The following PPARG variants were observed in gnomAD, a reference collection of about 807,000 sequenced individuals.
PPARG encodes peroxisome proliferator activated receptor gamma.
PPARG carries 17 observed loss-of-function variants against 39.2 expected under a neutral mutation model. The ratio of observed to expected loss-of-function variants is 0.43; its 90% CI spans 0.30 to 0.65. The LOEUF is 0.65. Among genes scored for constraint, PPARG ranks in the 30% least tolerant of loss-of-function variants. The probability of loss-of-function intolerance (pLI) is 0.13; values close to 1 mark genes in which losing one functional copy is unlikely to be tolerated. For synonymous variants in PPARG, 223 were observed against 215.7 expected, an observed-to-expected ratio of 1.03 and a Z score of -0.30; for missense variants, 406 against 585.9, an observed-to-expected ratio of 0.69 and a Z score of 3.17.
At chr3:12,401,743 G>C (rs1225431619) in intron 5 of PPARG, among the ~76,000 whole-genome samples, 1 of 152,032 alleles carries the variant, frequency 6.6e-6, no homozygotes, top group East Asian at 1.9e-4. Context: ...TGAACTTCTG[G>C]TGTATAAAAA....
chr3:12,420,081 C>T (rs1272940434), intron 7 of PPARG, among the ~76,000 whole-genome samples: 20 of 152,344 alleles, frequency 1.3e-4, no homozygotes, highest in Non-Finnish European at 2.9e-5. Context: ...CATGCACACT[C>T]ATGTAGATAG....
At chr3:12,400,449 A>C (rs1260636949) in intron 5 of PPARG, among the ~76,000 whole-genome samples, 2 of 152,238 alleles carry the variant, frequency 1.3e-5, no homozygotes, top group African/African-American at 4.8e-5. Flanking sequence ...CATTCAGCTC[A>C]ATAGAAGTGT....
chr3:12,346,176 G>C (rs2048320893), intron 2 of PPARG, among the ~76,000 whole-genome samples: 1 of 152,100 alleles, frequency 6.6e-6, no homozygotes, highest in South Asian at 2.1e-4. Context: ...TTTTGAAGCT[G>C]GGCAGAAAAG....
chr3:12,351,665 A>G lies in PPARG; in HGVS notation c.-8-28039A>G, dbSNP rs1320029787. ...CTTCACTGATACACTGTCTGCAAAC[A>G]TATCACAAGGTAAAGTTCCTTCCAG... On this transcript the variant is annotated intron_variant, in intron 2 of 7. Coordinates refer to ENST00000651735, the MANE Select transcript of PPARG (RefSeq NM_138711.6). 1 of 1,607,414 alleles carries G rather than the reference A, an allele frequency of 6.2e-7. No homozygotes were observed. The highest frequency in any genetic ancestry group is 8.5e-7 in the Non-Finnish European group (1 of 1,173,822).
chr3:12,396,785 A>G (rs1369134288), intron 5 of PPARG, among the ~76,000 whole-genome samples: 2 of 151,302 alleles, frequency 1.3e-5, no homozygotes, highest in African/African-American at 4.8e-5. Flanking sequence ...AAGAATTGTG[A>G]CTAGTGAATA....
chr3:12,320,525 T>G (rs767575332), intron 2 of PPARG, among the ~76,000 whole-genome samples: 28 of 152,234 alleles, frequency 1.8e-4, no homozygotes, highest in Non-Finnish European at 3.5e-4. Flanking sequence ...CCACAATAAC[T>G]ATATTACTAT....
chr3:12,372,103 G>A (rs1575073297), intron 2 of PPARG: 1 of 721,410 alleles, frequency 1.4e-6, no homozygotes. Context: ...CCTATGAAAG[G>A]CTTTTCAGGC....
chr3:12,318,543 GA>G (rs2125013657), intron 2 of PPARG, among the ~76,000 whole-genome samples: 1 of 152,204 alleles, frequency 6.6e-6, no homozygotes, highest in African/African-American at 2.4e-5. Flanking sequence ...AGAATTTTAA[GA>G]TACAAAACTA....
intron 1 of PPARG, among the ~76,000 whole-genome samples, chr3:12,297,387 TTTTG>T (rs1306760972): frequency 6.6e-6 from 1 of 152,086 alleles, no homozygotes; most frequent in Non-Finnish European, 1.5e-5. Context: ...ATGGAGGGCT[TTTTG>T]TTTGTTTTTA....
rs537364234 is a variant in PPARG, at chr3:12,370,560, A to T, written c.-8-9144A>T. Among the ~76,000 whole-genome samples, 8 of 152,330 alleles carry T rather than the reference A, an allele frequency of 5.3e-5. No individual in the cohort carries two copies. In the South Asian group the frequency reaches 1.7e-3, roughly 32 times the overall value. On this transcript the variant is annotated intron_variant, in intron 2 of 7. Coordinates refer to ENST00000651735, the MANE Select transcript of PPARG (RefSeq NM_138711.6). ...AAAATGGGAAAAAAGAGATAGTCGC[A>T]AACTTCAACATAGGTTAGATCATCA...
At chr3:12,298,189 C>G (rs2046837660) in intron 1 of PPARG, among the ~76,000 whole-genome samples, 1 of 141,404 alleles carries the variant, frequency 7.1e-6, no homozygotes, top group Non-Finnish European at 1.5e-5. Context: ...GTCCCAGCTA[C>G]TTGGGAGGCT....
At chr3:12,364,263 A>C (rs947242307) in intron 2 of PPARG, among the ~76,000 whole-genome samples, 2 of 152,062 alleles carry the variant, frequency 1.3e-5, no homozygotes, top group African/African-American at 4.8e-5. Flanking sequence ...TCCTGTTTTG[A>C]TAGTTTTGCG....
chr3:12,310,089 C>A (rs60756305), intron 1 of PPARG, among the ~76,000 whole-genome samples: 13,142 of 152,122 alleles, frequency 0.086, 714 homozygotes, highest in Admixed American at 0.17. Context: ...GGGGACGATT[C>A]CTTCTAAGAT....
intron 2 of PPARG, among the ~76,000 whole-genome samples, chr3:12,369,131 T>C (rs866025173): frequency 2.0e-5 from 3 of 152,192 alleles, no homozygotes; most frequent in Non-Finnish European, 4.4e-5. Flanking sequence ...CCGCTCCTCA[T>C]AGGCAGTGAT....
In PPARG at chr3:12,381,413, C is replaced by G. The variant is rs2049653967; in HGVS notation, c.312C>G (p.Leu104=). The G allele has an allele frequency of 2.5e-6, 4 of 1,613,510 alleles. No individual in the cohort carries two copies. In the African/African-American group the frequency reaches 5.3e-5, roughly 22 times the overall value. The change falls in exon 4 of 8, where the codon CTC becomes CTG. Residue 104 remains leucine (L), a synonymous_variant. Coordinates refer to ENST00000651735, the MANE Select transcript of PPARG (RefSeq NM_138711.6). ...NKPHEEPSNS[L]MAIECRVCGD... is the part of the protein sequence containing the mutation. ...CTCATGAAGAGCCTTCCAACTCCCT[C>G]ATGGCAATTGAATGTCGTGTCTGTG...
At chr3:12,290,525 A>T (rs1353607949) in intron 1 of PPARG, among the ~76,000 whole-genome samples, 2 of 152,056 alleles carry the variant, frequency 1.3e-5, no homozygotes, top group Non-Finnish European at 2.9e-5. Flanking sequence ...AACTACTTTT[A>T]AAAAAATTCT....
chr3:12,356,371 A>G (rs2125105940), intron 2 of PPARG, among the ~76,000 whole-genome samples: 1 of 152,362 alleles, frequency 6.6e-6, no homozygotes, highest in African/African-American at 2.4e-5. Context: ...TGGCTATTTG[A>G]GTACACAGTG....
upstream of PPARG, chr3:12,287,649 G>C (rs2046529179): frequency 7.2e-6 from 1 of 139,070 alleles, no homozygotes; most frequent in Admixed American, 7.3e-5. Flanking sequence ...CCTCCCAGCG[G>C]TGGTGGCGAG....
chr3:12,293,686 C>G (rs1317307024), intron 1 of PPARG, among the ~76,000 whole-genome samples: 2 of 152,184 alleles, frequency 1.3e-5, no homozygotes, highest in Admixed American at 1.3e-4. Context: ...CAGTTTGCCA[C>G]TTAGCACTGT....
Sources: gnomAD v4.1 joint callset for allele counts (sites outside exome capture counted in the v4.1 genomes callset) on GRCh38, gnomAD v4.1.1 for gene constraint, MANE v1.5 for transcripts, NCBI Gene and HGNC (gene_info 2026-07-23, HGNC 2026-07-21) for gene names.